The following UBE3A variants were observed in gnomAD, a reference collection of about 807,000 sequenced individuals.
UBE3A encodes the protein ubiquitin protein ligase E3A.
A neutral mutation model predicts 83.4 loss-of-function variants in UBE3A; 6 were observed. The observed-to-expected ratio is 0.07, with a 90% CI of 0.04 to 0.14. The LOEUF (loss-of-function observed/expected upper bound fraction) is 0.14. Ranked by LOEUF, UBE3A falls within the 10% of genes least tolerant of loss-of-function variation. UBE3A has a pLI of 1.00. For missense variants in UBE3A, 456 were observed against 1,036.1 expected (o/e 0.44, Z 7.69); for synonymous variants, 337 against 355.4 (o/e 0.95, Z 0.58).
chr15:25,435,237 C>T (rs1596536004), intron 1 of UBE3A, among the ~76,000 whole-genome samples: 1 of 126,052 alleles, frequency 7.9e-6, no homozygotes, highest in Non-Finnish European at 1.7e-5. Flanking sequence ...GTTTTACACA[C>T]ACACACACAC....
chr15:25,358,678 T>C (rs544910957), intron 7 of UBE3A, among the ~76,000 whole-genome samples: 1 of 152,326 alleles, frequency 6.6e-6, no homozygotes, highest in African/African-American at 2.4e-5. Flanking sequence ...GAAAATGTCA[T>C]TGTCACTTTA....
chr15:25,415,977 GA>G (rs1236278723), intron 1 of UBE3A: 2 of 151,130 alleles, frequency 1.3e-5, no homozygotes, highest in Non-Finnish European at 2.9e-5. Context: ...GCCAATTTAA[GA>G]AACGTTTTTT....
At chr15:25,362,583 T>C (rs2078296402) in intron 6 of UBE3A, among the ~76,000 whole-genome samples, 1 of 152,212 alleles carries the variant, frequency 6.6e-6, no homozygotes, top group Non-Finnish European at 1.5e-5. Flanking sequence ...CAAAGGAACT[T>C]GATATAGACT....
At chr15:25,412,788 T>G (rs1460464132) in intron 1 of UBE3A, among the ~76,000 whole-genome samples, 1 of 151,572 alleles carries the variant, frequency 6.6e-6, no homozygotes, top group Non-Finnish European at 1.5e-5. Context: ...TATAAAACAT[T>G]TTGAAATAAA....
chr15:25,391,162 T>C (rs566494425), intron 4 of UBE3A, among the ~76,000 whole-genome samples: 69 of 152,094 alleles, frequency 4.5e-4, no homozygotes, highest in Non-Finnish European at 7.6e-4. Context: ...TTATTCAGCC[T>C]AAAAGAAAAG....
intron 7 of UBE3A, among the ~76,000 whole-genome samples, chr15:25,358,117 T>A (rs1392096981): frequency 6.6e-6 from 1 of 151,950 alleles, no homozygotes; most frequent in African/African-American, 2.4e-5. Flanking sequence ...ACACCTGTAA[T>A]CCCAGCACTT....
intron 6 of UBE3A, among the ~76,000 whole-genome samples, chr15:25,365,665 A>C (rs1049045669): frequency 2.7e-5 from 4 of 150,616 alleles, no homozygotes; most frequent in African/African-American, 9.8e-5. Context: ...GGAGAATGGC[A>C]TGAACCTGGG....
In UBE3A at chr15:25,376,031, G is replaced by A. The variant is rs76601439; in HGVS notation, c.63-268C>T. ...TACATTCCTTTGGTTTAAAAGGGGGGAGGGGGGCTTGTCTGATGGTATATG... is the reference window on the plus strand; with the variant it reads ...TACATTCCTTTGGTTTAAAAGGGGGAAGGGGGGCTTGTCTGATGGTATATG... On this transcript the variant is annotated intron_variant, in intron 4 of 12. Coordinates refer to ENST00000648336, the MANE Select transcript of UBE3A (RefSeq NM_130839.5). Among the ~76,000 whole-genome samples, 13 of 152,214 alleles carry A rather than the reference G, an allele frequency of 8.5e-5. No homozygotes were observed. The East Asian group carries it at 2.5e-3, about 29-fold the overall frequency.
At chr15:25,429,460 C>G (rs1892410776) in intron 1 of UBE3A, among the ~76,000 whole-genome samples, 1 of 152,014 alleles carries the variant, frequency 6.6e-6, no homozygotes, top group Admixed American at 6.6e-5. Context: ...GACATATTAG[C>G]ATATAATGTC....
intron 4 of UBE3A, among the ~76,000 whole-genome samples, chr15:25,387,371 A>C (rs1183776371): frequency 6.6e-6 from 1 of 152,090 alleles, no homozygotes; most frequent in Non-Finnish European, 1.5e-5. Context: ...AATACAAAAA[A>C]ATTAGCCACA....
chr15:25,382,013 C>A (rs1325307393), intron 4 of UBE3A, among the ~76,000 whole-genome samples: 1 of 152,098 alleles, frequency 6.6e-6, no homozygotes, highest in Non-Finnish European at 1.5e-5. Context: ...TATAGGTTAA[C>A]CTTCAATTAC....
At position 25,367,422 on chromosome 15, in the gene UBE3A, G is replaced by A. The variant is rs764496707; in HGVS notation, c.1608+3144C>T. 9.9e-5 allele frequency among the ~76,000 whole-genome samples: 15 copies of A among 151,764 alleles called. 1 individual carries two copies. Among genetic ancestry groups the A allele is most frequent in the Non-Finnish European group, 2.2e-4 (15 of 67,874 alleles). ...AATGAAAGGTGAAGTCTAAGCTCATGTTTATCACTGTACTGTTTTCTAAGG... is the reference window on the plus strand; with the variant it reads ...AATGAAAGGTGAAGTCTAAGCTCATATTTATCACTGTACTGTTTTCTAAGG... On this transcript the variant is annotated intron_variant, in intron 6 of 12. Coordinates refer to ENST00000648336, the MANE Select transcript of UBE3A (RefSeq NM_130839.5).
At position 25,418,735 on chromosome 15, in the gene UBE3A, T is replaced by A. The variant is rs72697784; in HGVS notation, c.-164-6764A>T. ...CTGTATTTTCCAAAGATGGTCACAA[T>A]AGAAGCCATTCCACATGCTCTTAAC... On this transcript the variant is annotated intron_variant, in intron 1 of 12. Coordinates refer to ENST00000648336, the MANE Select transcript of UBE3A (RefSeq NM_130839.5). 684 of 152,284 alleles carry A rather than the reference T, an allele frequency of 4.5e-3. 3 individuals are homozygous for A. The highest frequency in any genetic ancestry group is 8.3e-3 in the Non-Finnish European group (564 of 67,998). 9.4% of individuals were successfully genotyped at this position (152,284 alleles called of 1,614,324 possible). A position where few individuals can be genotyped will look rare whatever the true frequency, so the allele number is the denominator to read the frequency against.
intron 6 of UBE3A, among the ~76,000 whole-genome samples, chr15:25,362,153 T>C (rs896538796): frequency 6.6e-6 from 1 of 152,212 alleles, no homozygotes; most frequent in Non-Finnish European, 1.5e-5. Context: ...TGTACTGGGA[T>C]GCTATGTAAA....
rs368772730 is a variant in UBE3A at position 25,354,480 on chromosome 15, C to T, written c.2280+48G>A. On this transcript the variant is annotated intron_variant, in intron 10 of 12. Transcript: ENST00000648336. ...TATCTGCTATACTACTGTATCATTA[C>T]AAACAATAAATCGATACATGACTTT... 14 of 1,613,424 alleles carry T rather than the reference C, an allele frequency of 8.7e-6. No homozygotes were observed. In the African/African-American group the frequency reaches 1.9e-4, roughly 22 times the overall value.
At chr15:25,393,766 G>A (rs1453958484) in intron 4 of UBE3A, 1 of 152,148 alleles carries the variant, frequency 6.6e-6, no homozygotes, top group Non-Finnish European at 1.5e-5. Flanking sequence ...GAAGATATAG[G>A]TTTATATGAT....
intron 6 of UBE3A, among the ~76,000 whole-genome samples, chr15:25,368,392 AAAAG>A (rs1461589624): frequency 6.6e-6 from 1 of 152,096 alleles, no homozygotes; most frequent in Middle Eastern, 3.2e-3. Flanking sequence ...TTTTTTAAAA[AAAAG>A]AAAAGGAAGA....
At chr15:25,383,487 A>G (rs2082557007) in intron 4 of UBE3A, among the ~76,000 whole-genome samples, 1 of 152,028 alleles carries the variant, frequency 6.6e-6, no homozygotes, top group South Asian at 2.1e-4. Flanking sequence ...AAATACAAAA[A>G]CTAATCGGGC....
chr15:25,402,730 A>C lies in UBE3A; in HGVS notation c.62+2731T>G, dbSNP rs565395901. 9.2e-5 allele frequency among the ~76,000 whole-genome samples: 14 copies of C among 152,292 alleles called. No homozygotes were observed. The East Asian group carries it at 2.5e-3, about 27-fold the overall frequency. The stretch of plus-strand genomic sequence containing the variant: ...CTCCATGCTGGGATCTCAGGGACTG[A>C]GGGAGGTGTGACACAAGTAATGTAA... On this transcript the variant is annotated intron_variant, in intron 4 of 12. Coordinates refer to ENST00000648336, the MANE Select transcript of UBE3A (RefSeq NM_130839.5).
Sources: allele counts gnomAD v4.1 joint callset (sites outside exome capture counted in the v4.1 genomes callset), GRCh38; gene constraint gnomAD v4.1.1; transcripts MANE v1.5; gene names NCBI Gene and HGNC (gene_info 2026-07-23, HGNC 2026-07-21).